The following TBC1D1 variants were observed in gnomAD, a reference collection of about 807,000 sequenced individuals.
TBC1D1 encodes the protein TBC1 domain family member 1.
Under a neutral mutation model 125.6 loss-of-function variants are expected in TBC1D1, and 89 were observed. That is an observed-to-expected ratio of 0.71 (90% CI 0.60 to 0.85). The LOEUF (loss-of-function observed/expected upper bound fraction) is 0.85. Ranked by LOEUF, TBC1D1 falls within the 40% of genes least tolerant of loss-of-function variation. The pLI is 0.00. For synonymous variants in TBC1D1, 565 were observed against 564.1 expected, an observed-to-expected ratio of 1.00 and a Z score of -0.02; for missense variants, 1,377 against 1,469.2, an observed-to-expected ratio of 0.94 and a Z score of 1.03.
intron 2 of TBC1D1, among the ~76,000 whole-genome samples, chr4:37,963,535 C>G (rs1057188168): frequency 1.3e-5 from 2 of 152,158 alleles, no homozygotes; most frequent in African/African-American, 4.8e-5. Flanking sequence ...TGCCTGTAAC[C>G]CCAGCTACTC....
Position 38,049,766 on chromosome 4 carries a change from G to C in TBC1D1, c.1778G>C (p.Arg593Pro). 6.2e-7 allele frequency: 1 copy of C among 1,614,166 alleles called. No individual in the cohort carries two copies. The highest frequency in any genetic ancestry group is 8.5e-7 in the Non-Finnish European group (1 of 1,180,030). Residue 593 changes from arginine to proline, a missense_variant, in exon 11 of 20, where the codon CGA becomes CCA. Physicochemically the swap from Arg to Pro is moderately radical, Grantham distance 103. Transcript: ENST00000261439. ...TCGCCCCAGCAGGCCTTCAGGAGGC[G>C]AGCAAACACCCTGAGTCACTTCCCC...
intron 2 of TBC1D1, among the ~76,000 whole-genome samples, chr4:37,951,274 G>A (rs1241557733): frequency 2.6e-5 from 4 of 152,146 alleles, no homozygotes; most frequent in East Asian, 1.9e-4. Context: ...AAAAATGATC[G>A]TGGGAAGAGA....
intron 6 of TBC1D1, among the ~76,000 whole-genome samples, chr4:38,023,336 T>G (rs1184475857): frequency 6.6e-6 from 1 of 152,072 alleles, no homozygotes; most frequent in African/African-American, 2.4e-5. Flanking sequence ...TAAAAAAATA[T>G]AGTAAAAACA....
chr4:38,057,509 C>T (rs1393438494), intron 12 of TBC1D1, among the ~76,000 whole-genome samples: 9 of 152,218 alleles, frequency 5.9e-5, no homozygotes, highest in Non-Finnish European at 1.0e-4. Flanking sequence ...TCTCAACTCC[C>T]TCCTCATGCC....
At chr4:38,082,356 C>T (rs1444581715) in intron 12 of TBC1D1, among the ~76,000 whole-genome samples, 1 of 152,132 alleles carries the variant, frequency 6.6e-6, no homozygotes. Flanking sequence ...TTTTCCACCC[C>T]ACCATGTCTC....
At chr4:38,020,341 G>C (rs1743740558) in intron 4 of TBC1D1, among the ~76,000 whole-genome samples, 1 of 152,044 alleles carries the variant, frequency 6.6e-6, no homozygotes, top group Non-Finnish European at 1.5e-5. Flanking sequence ...AGCCGGGTGT[G>C]GTGGTGCATG....
Position 37,977,048 on chromosome 4 carries a change from AG to A in TBC1D1, c.418-37460del, listed in dbSNP as rs1733232082. On this transcript the variant is annotated intron_variant, in intron 2 of 19. Transcript: ENST00000261439. This position sits in a 1 kb window ranked among gnomAD's most constrained non-coding sequence, Gnocchi z 4.3. ...CTCTGGGGCTTTTGTGGAACCTCGG[AG>A]AGGGAGGAATTCTTAGATTTCTGAA... 6.6e-6 allele frequency among the ~76,000 whole-genome samples: 1 copy of A among 152,160 alleles called. No individual in the cohort carries two copies. The highest frequency in any genetic ancestry group is 1.5e-5 in the Non-Finnish European group (1 of 68,016).
intron 2 of TBC1D1, among the ~76,000 whole-genome samples, chr4:37,956,563 C>A (rs756667049): frequency 5.3e-5 from 8 of 152,150 alleles, no homozygotes; most frequent in Non-Finnish European, 1.0e-4. Flanking sequence ...GACCAAATGG[C>A]TTTTCCCTGT....
intron 13 of TBC1D1, among the ~76,000 whole-genome samples, chr4:38,093,962 T>G (rs887473721): frequency 1.3e-5 from 2 of 152,250 alleles, no homozygotes; most frequent in Non-Finnish European, 2.9e-5. Context: ...CTCAGCATTT[T>G]ATGCTTTACT....
intron 2 of TBC1D1, among the ~76,000 whole-genome samples, chr4:37,969,936 A>G (rs1731730903): frequency 6.6e-6 from 1 of 152,142 alleles, no homozygotes; most frequent in Non-Finnish European, 1.5e-5. Context: ...GGTAACTACT[A>G]GTCTATTTTC....
chr4:38,020,622 T>C lies in TBC1D1; in HGVS notation c.1004T>C (p.Ile335Thr). Residue 335 changes from isoleucine to threonine, a missense_variant, in exon 5 of 20, where the codon ATC (isoleucine) becomes ACC (threonine). Transcript: ENST00000261439. Reference sequence around the variant, plus strand: ...AGACACGTGGACCACTTTGGGTTTATCTGTCGGGAGTCTTCCGGAGGTGGC... The same window carrying C: ...AGACACGTGGACCACTTTGGGTTTACCTGTCGGGAGTCTTCCGGAGGTGGC... 1 of 1,613,336 alleles carries C rather than the reference T, an allele frequency of 6.2e-7. No homozygotes were observed. Among genetic ancestry groups the C allele is most frequent in the Non-Finnish European group, 8.5e-7 (1 of 1,179,488 alleles).
In TBC1D1 at chr4:38,138,190, A is replaced by G. The variant is rs1766937758; in HGVS notation, c.*855A>G. ...CTTATCCCATAAGTACAGTTGATCA[A>G]AGTCATAGTAGGTAAATGCTTTATG... On this transcript the variant is annotated 3_prime_UTR_variant, in exon 20 of 20. Coordinates refer to ENST00000261439, the MANE Select transcript of TBC1D1 (RefSeq NM_015173.4). The G allele has an allele frequency of 6.6e-6, 1 of 152,198 alleles. No homozygotes were observed. The highest frequency in any genetic ancestry group is 2.4e-5 in the African/African-American group (1 of 41,446). The allele number at this position is 152,198 out of a possible 1,614,324, so 9.4% of individuals were successfully genotyped here. A position where few individuals can be genotyped will look rare whatever the true frequency, so the allele number is the denominator to read the frequency against.
chr4:38,133,666 G>C (rs1406661791), intron 19 of TBC1D1, among the ~76,000 whole-genome samples: 1 of 152,206 alleles, frequency 6.6e-6, no homozygotes, highest in Non-Finnish European at 1.5e-5. Flanking sequence ...AAGTAACACA[G>C]AAATAAATAT....
intron 2 of TBC1D1, among the ~76,000 whole-genome samples, chr4:37,978,038 A>G (rs1217746689): frequency 6.6e-6 from 1 of 152,228 alleles, no homozygotes; most frequent in African/African-American, 2.4e-5. Context: ...CTCTGGTTTC[A>G]AAGGGCATGT....
intron 2 of TBC1D1, among the ~76,000 whole-genome samples, chr4:37,957,731 A>G (rs1159492134): frequency 6.6e-6 from 1 of 152,256 alleles, no homozygotes; most frequent in African/African-American, 2.4e-5. Context: ...ATAAAAGTTC[A>G]GAACAGATTG....
At chr4:37,924,965 A>C (rs1450128750) in intron 2 of TBC1D1, among the ~76,000 whole-genome samples, 2 of 152,122 alleles carry the variant, frequency 1.3e-5, no homozygotes, top group African/African-American at 2.4e-5. Context: ...ATTCACAACA[A>C]CTCTATGTGG....
At chr4:38,107,297 T>A (rs1010060441) in intron 15 of TBC1D1, among the ~76,000 whole-genome samples, 1 of 152,186 alleles carries the variant, frequency 6.6e-6, no homozygotes, top group African/African-American at 2.4e-5. Context: ...AGACTCCACC[T>A]GTTACCTCCC....
At chr4:38,081,729 TG>T (rs946272752) in intron 12 of TBC1D1, among the ~76,000 whole-genome samples, 1 of 152,152 alleles carries the variant, frequency 6.6e-6, no homozygotes, top group African/African-American at 2.4e-5. Flanking sequence ...ACAACAAAGC[TG>T]TGGGGGGTGG....
At position 38,072,746 on chromosome 4, in the gene TBC1D1, ACT is replaced by A. The variant is rs750959714; in HGVS notation, c.2051-17183_2051-17182del. Among the ~76,000 whole-genome samples the A allele has an allele frequency of 7.9e-5, 12 of 152,022 alleles. No homozygotes were observed. In the South Asian group the frequency reaches 2.5e-3, roughly 32 times the overall value. ...GAATTTTTCATCTTGTTAAACTGAA[ACT>A]CTATGCCCAATAAACAACTCCTATT... On this transcript the variant is annotated intron_variant, in intron 12 of 19. Coordinates refer to ENST00000261439, the MANE Select transcript of TBC1D1 (RefSeq NM_015173.4).
Sources: allele counts gnomAD v4.1 joint callset (sites outside exome capture counted in the v4.1 genomes callset), GRCh38; gene constraint gnomAD v4.1.1; non-coding constraint Gnocchi (gnomAD v3.1); transcripts MANE v1.5; gene names NCBI Gene and HGNC (gene_info 2026-07-23, HGNC 2026-07-21).